MOSPD3: variants seen among roughly 807,000 people sequenced by gnomAD.
MOSPD3 encodes the protein motile sperm domain containing 3.
Under a neutral mutation model 23.3 loss-of-function variants are expected in MOSPD3, and 20 were observed. That is an observed-to-expected ratio of 0.86 (90% CI 0.61 to 1.25). The LOEUF (loss-of-function observed/expected upper bound fraction) is 1.25. Among genes scored for constraint, MOSPD3 ranks in the 50% most tolerant of loss-of-function variants. The probability of loss-of-function intolerance (pLI) is 0.00; values close to 1 mark genes in which losing one functional copy is unlikely to be tolerated. For synonymous variants in MOSPD3, 136 were observed against 135.2 expected, an observed-to-expected ratio of 1.01 and a Z score of -0.04; for missense variants, 307 against 315.7, an observed-to-expected ratio of 0.97 and a Z score of 0.21.
rs765095744 is a variant in MOSPD3 at position 100,612,746 on chromosome 7, T to C, written c.-46T>C. The stretch of plus-strand genomic sequence containing the variant: ...GCCCCCCAGCTCTGACTCCAGGCCC[T>C]GTCCCCTGAGCTCTGCCCTCGGATG... On this transcript the variant is annotated 5_prime_UTR_variant, in exon 1 of 5. Coordinates refer to ENST00000393950, the MANE Select transcript of MOSPD3 (RefSeq NM_023948.5). 1 of 1,473,568 alleles carries C rather than the reference T, an allele frequency of 6.8e-7. No individual in the cohort carries two copies. Among genetic ancestry groups the C allele is most frequent in the African/African-American group, 1.4e-5 (1 of 70,548 alleles). The allele number at this position is 1,473,568 out of a possible 1,614,324, so 91.3% of individuals were successfully genotyped here.
At chr7:100,614,336 C>T (rs551375706) in intron 3 of MOSPD3, among the ~76,000 whole-genome samples, 1 of 151,802 alleles carries the variant, frequency 6.6e-6, no homozygotes, top group Non-Finnish European at 1.5e-5. Flanking sequence ...AGTGGTGGCT[C>T]GCACCTGTAA....
chr7:100,613,434 G>A, intron 2 of MOSPD3, 43 bp from the exon 3 acceptor site: 2 of 1,602,346 alleles, frequency 1.2e-6, no homozygotes, highest in Non-Finnish European at 1.7e-6. Context: ...TTGGATTACT[G>A]CCTCATTCAC....
chr7:100,615,307 C>A lies in MOSPD3; in HGVS notation c.*124C>A. On this transcript the variant is annotated 3_prime_UTR_variant, in exon 5 of 5. Coordinates refer to ENST00000393950, the MANE Select transcript of MOSPD3 (RefSeq NM_023948.5). ...TCTTTCCTGCCTACTCCCCACTCCT[C>A]CCTGACAAAAAACACCCAGGGATTT... 1.2e-6 allele frequency: 1 copy of A among 821,428 alleles called. No individual in the cohort carries two copies. The highest frequency in any genetic ancestry group is 3.1e-5 in the Admixed American group (1 of 32,524). The allele number at this position is 821,428 out of a possible 1,614,324, so 50.9% of individuals were successfully genotyped here.
rs148593773 is a variant in MOSPD3 at position 100,614,873 on chromosome 7, G to A, written c.518G>A (p.Arg173His). ...GATGAGTCTTGTTTCTCAGACCCCCGCCAGCAACTGGCCACCAGCTCCTTC... is the reference window on the plus strand; with the variant it reads ...GATGAGTCTTGTTTCTCAGACCCCCACCAGCAACTGGCCACCAGCTCCTTC... ...PTARHFQEHP[R>H]QQLATSSFLL... Residue 173 changes from arginine (R) to histidine (H), a missense_variant, in exon 4 of 5, where the codon CGC (arginine) becomes CAC (histidine). Arg to His is a conservative substitution (Grantham distance 29, BLOSUM62 0). Coordinates refer to ENST00000393950, the MANE Select transcript of MOSPD3 (RefSeq NM_023948.5). 49 of 1,613,722 alleles carry A rather than the reference G, an allele frequency of 3.0e-5. No individual in the cohort carries two copies. The highest frequency in any genetic ancestry group is 1.7e-5 in the Admixed American group (1 of 59,992).
chr7:100,615,175 C>A lies in MOSPD3; in HGVS notation c.700C>A (p.Arg234=). The A allele has an allele frequency of 2.5e-6, 4 of 1,613,974 alleles. No individual in the cohort carries two copies. Among genetic ancestry groups the A allele is most frequent in the Non-Finnish European group, 3.4e-6 (4 of 1,180,004 alleles). ...VLGLLTMVFL[R]T is the part of the protein sequence containing the mutation. ...AGGCCTCCTCACCATGGTGTTCCTC[C>A]GGACCTGAGCTCCGTGCTCAACCCC... The change falls in exon 5 of 5, where the codon CGG becomes AGG. Residue 234 remains arginine, a synonymous_variant. Coordinates refer to ENST00000393950, the MANE Select transcript of MOSPD3 (RefSeq NM_023948.5).
chr7:100,613,513 T>G lies in MOSPD3; in HGVS notation c.318T>G (p.Tyr106Ter). The G allele has an allele frequency of 6.2e-7, 1 of 1,614,234 alleles. No homozygotes were observed. Among genetic ancestry groups the G allele is most frequent in the Non-Finnish European group, 8.5e-7 (1 of 1,180,040 alleles). ...IRHVAPIPSHYDVQDRFRIEL... is the reference protein window; with the variant it reads ...IRHVAPIPSH ...ATGTGGCACCCATTCCCAGCCACTA[T>G]GATGTCCAGGACCGCTTCCGCATTG... The change falls in exon 3 of 5, where the codon TAT (tyrosine) becomes TAG (stop). Residue 106 changes from tyrosine to a stop codon, truncating the protein, a stop_gained. Coordinates refer to ENST00000393950, the MANE Select transcript of MOSPD3 (RefSeq NM_023948.5). LOFTEE classifies it high-confidence loss of function.
At chr7:100,613,071 G>T in intron 1 of MOSPD3, 75 bp downstream of exon 1, 1 of 1,588,570 alleles carries the variant, frequency 6.3e-7, no homozygotes, top group Non-Finnish European at 8.6e-7. Context: ...AGTCAGATGG[G>T]TAGGGTTGCA....
In MOSPD3 at chr7:100,613,604, GC is replaced by G; in HGVS notation, c.413del (p.Pro138GlnfsTer49). 1 of 1,614,170 alleles carries G rather than the reference GC, an allele frequency of 6.2e-7. No homozygotes were observed. Among genetic ancestry groups the G allele is most frequent in the South Asian group, 1.1e-5 (1 of 91,082 alleles). ...CAAGGACATTACCTCCATTCTGAGAGCCCCAGCGTACCCCCTTGAGCTTCAG... is the reference window on the plus strand; with the variant it reads ...CAAGGACATTACCTCCATTCTGAGAGCCCAGCGTACCCCCTTGAGCTTCAG... Reference protein sequence around the residue: ...GRKDITSILRAPAYPLELQGQ... With the variant: ...GRKDITSILRXPAYPLELQGQ... On this transcript the variant is annotated frameshift_variant, in exon 3 of 5. Coordinates refer to ENST00000393950, the MANE Select transcript of MOSPD3 (RefSeq NM_023948.5). LOFTEE classifies it high-confidence loss of function.
At position 100,615,221 on chromosome 7, in the gene MOSPD3, G is replaced by A. The variant is rs1213451731; in HGVS notation, c.*38G>A. On this transcript the variant is annotated 3_prime_UTR_variant, in exon 5 of 5. Coordinates refer to ENST00000393950, the MANE Select transcript of MOSPD3 (RefSeq NM_023948.5). ...ACCCCCAGCCCACCCCACCCTCCCTGGGCAGGGTCTTGAGGCAGCCACTGT... is the reference window on the plus strand; with the variant it reads ...ACCCCCAGCCCACCCCACCCTCCCTAGGCAGGGTCTTGAGGCAGCCACTGT... 6 of 1,578,698 alleles carry A rather than the reference G, an allele frequency of 3.8e-6. No homozygotes were observed. Among genetic ancestry groups the A allele is most frequent in the Non-Finnish European group, 4.3e-6 (5 of 1,159,124 alleles).
At position 100,612,753 on chromosome 7, in the gene MOSPD3, T is replaced by G; in HGVS notation, c.-39T>G. The G allele has an allele frequency of 1.3e-6, 2 of 1,509,834 alleles. No individual in the cohort carries two copies. The highest frequency in any genetic ancestry group is 1.8e-6 in the Non-Finnish European group (2 of 1,125,120). The allele number at this position is 1,509,834 out of a possible 1,614,324, so 93.5% of individuals were successfully genotyped here. ...AGCTCTGACTCCAGGCCCTGTCCCC[T>G]GAGCTCTGCCCTCGGATGTCCGACC... On this transcript the variant is annotated 5_prime_UTR_variant, in exon 1 of 5. Coordinates refer to ENST00000393950, the MANE Select transcript of MOSPD3 (RefSeq NM_023948.5).
At chr7:100,614,835 G>A in intron 3 of MOSPD3, 32 bp from the exon 4 acceptor site, 1 of 1,597,872 alleles carries the variant, frequency 6.3e-7, no homozygotes, top group East Asian at 2.2e-5. Flanking sequence ...CAGGAGTGGG[G>A]GCTGCAGCAT....
At position 100,612,945 on chromosome 7, in the gene MOSPD3, C is replaced by A. The variant is rs1053507; in HGVS notation, c.154C>A (p.Arg52=). 3 of 1,613,982 alleles carry A rather than the reference C, an allele frequency of 1.9e-6. No homozygotes were observed. The highest frequency in any genetic ancestry group is 2.5e-6 in the Non-Finnish European group (3 of 1,180,016). The part of the protein sequence containing the change: ...VFRADQRSGP[R]QLLTLYNPTG... ...CAGGGCGGACCAGCGGAGCGGACCC[C>A]GACAGCTGCTGACCCTCTATAACCC... Residue 52 remains arginine, a synonymous_variant, in exon 1 of 5, where the codon CGA becomes AGA. Coordinates refer to ENST00000393950, the MANE Select transcript of MOSPD3 (RefSeq NM_023948.5).
At chr7:100,614,836 G>A (rs1239061674) in intron 3 of MOSPD3, 31 bp from the exon 4 acceptor site, 6 of 1,598,170 alleles carry the variant, frequency 3.8e-6, no homozygotes, top group Admixed American at 1.7e-5. Context: ...AGGAGTGGGG[G>A]CTGCAGCATC....
At position 100,615,152 on chromosome 7, in the gene MOSPD3, G is replaced by A; in HGVS notation, c.677G>A (p.Gly226Asp). Residue 226 changes from glycine (G) to aspartate (D), a missense_variant and splice_region_variant, in exon 5 of 5, where the codon GGC becomes GAC. Gly to Asp is a moderately conservative substitution (Grantham distance 94, BLOSUM62 -1). Coordinates refer to ENST00000393950, the MANE Select transcript of MOSPD3 (RefSeq NM_023948.5). ...GQKLVAAYVL[G>D]LLTMVFLRT Reference sequence around the variant, plus strand: ...TATTCTTTCTTTGTCCCCCCTCCAGGCCTCCTCACCATGGTGTTCCTCCGG... The same window carrying A: ...TATTCTTTCTTTGTCCCCCCTCCAGACCTCCTCACCATGGTGTTCCTCCGG... 6.2e-7 allele frequency: 1 copy of A among 1,614,022 alleles called. No individual in the cohort carries two copies. Among genetic ancestry groups the A allele is most frequent in the Admixed American group, 1.7e-5 (1 of 59,970 alleles).
chr7:100,615,339 A>G lies in MOSPD3; in HGVS notation c.*156A>G. On this transcript the variant is annotated 3_prime_UTR_variant, in exon 5 of 5. Coordinates refer to ENST00000393950, the MANE Select transcript of MOSPD3 (RefSeq NM_023948.5). Reference sequence around the variant, plus strand: ...AAAAAACACCCAGGGATTTGTACTCATTTTCCAAGTTGAATAAAATACATT... The same window carrying G: ...AAAAAACACCCAGGGATTTGTACTCGTTTTCCAAGTTGAATAAAATACATT... 1 of 618,930 alleles carries G rather than the reference A, an allele frequency of 1.6e-6. No homozygotes were observed. Among genetic ancestry groups the G allele is most frequent in the Non-Finnish European group, 2.8e-6 (1 of 363,236 alleles). 38.3% of individuals were successfully genotyped at this position (618,930 alleles called of 1,614,324 possible). A position where few individuals can be genotyped will look rare whatever the true frequency, so the allele number is the denominator to read the frequency against.
Position 100,612,682 on chromosome 7 carries a change from C to A in MOSPD3, c.-110C>A. On this transcript the variant is annotated 5_prime_UTR_variant, in exon 1 of 5. It adds an upstream start codon to the 5' untranslated region. Coordinates refer to ENST00000393950, the MANE Select transcript of MOSPD3 (RefSeq NM_023948.5). ...GGCGGCGGCGGCATCAGTCGAGGCC[C>A]TGCTCCGGGAGCTCATCTTGTCCCC... is the stretch of plus-strand genomic sequence containing the variant. The A allele has an allele frequency of 1.2e-6, 1 of 824,372 alleles. No individual in the cohort carries two copies. Among genetic ancestry groups the A allele is most frequent in the Non-Finnish European group, 1.9e-6 (1 of 537,702 alleles). The allele number at this position is 824,372 out of a possible 1,614,324, so 51.1% of individuals were successfully genotyped here. A position where few individuals can be genotyped will look rare whatever the true frequency, so the allele number is the denominator to read the frequency against.
At chr7:100,612,391 G>A (rs1802848446), upstream of MOSPD3, 1 of 155,980 alleles carries the variant, frequency 6.4e-6, no homozygotes. Flanking sequence ...TGCAGCGGGC[G>A]GAGTCTGGCT....
In MOSPD3 at chr7:100,613,016, G is replaced by A. The variant is rs754707285; in HGVS notation, c.205+20G>A. The stretch of plus-strand genomic sequence containing the variant: ...TCCGAGGTAAAGGGATCGGCGCCTC[G>A]TGGGGGCTGGTGGCCGGACACTGGG... On this transcript the variant is annotated intron_variant, in intron 1 of 4. Coordinates refer to ENST00000393950, the MANE Select transcript of MOSPD3 (RefSeq NM_023948.5). 2 of 1,613,444 alleles carry A rather than the reference G, an allele frequency of 1.2e-6. No homozygotes were observed. Among genetic ancestry groups the A allele is most frequent in the South Asian group, 1.1e-5 (1 of 91,050 alleles).
At chr7:100,612,417 G>A (rs1802849619), upstream of MOSPD3, 1 of 162,114 alleles carries the variant, frequency 6.2e-6, no homozygotes, top group African/African-American at 2.4e-5. Flanking sequence ...GAGGAGGCGG[G>A]CGTCCGGGAA....
Sources: allele counts gnomAD v4.1 joint callset (sites outside exome capture counted in the v4.1 genomes callset), GRCh38; gene constraint gnomAD v4.1.1; transcripts MANE v1.5; gene names NCBI Gene and HGNC (gene_info 2026-07-23, HGNC 2026-07-21).